CNTN5: variants seen among roughly 807,000 people sequenced by gnomAD.
CNTN5 encodes the protein contactin 5.
A neutral mutation model predicts 129.1 loss-of-function variants in CNTN5; 77 were observed. The ratio of observed to expected loss-of-function variants is 0.60; its 90% CI spans 0.50 to 0.72. The LOEUF (loss-of-function observed/expected upper bound fraction) is 0.72, where lower values mean the gene tolerates loss of function less well. Ranked by LOEUF, CNTN5 falls within the 30% of genes least tolerant of loss-of-function variation. The pLI, the probability that CNTN5 is intolerant of heterozygous loss-of-function variation, is 0.00. For missense variants in CNTN5, 1,478 were observed against 1,328.8 expected (o/e 1.11, Z -1.75); for synonymous variants, 509 against 465.6 (o/e 1.09, Z -1.20).
At chr11:99,190,550 A>G (rs988791560) in intron 1 of CNTN5, among the ~76,000 whole-genome samples, 2 of 150,948 alleles carry the variant, frequency 1.3e-5, no homozygotes, top group African/African-American at 4.9e-5. Context: ...ATTTCCATTT[A>G]TTTGTTTCTT....
At chr11:99,748,720 G>A (rs1944138960) in intron 3 of CNTN5, among the ~76,000 whole-genome samples, 1 of 152,154 alleles carries the variant, frequency 6.6e-6, no homozygotes, top group Non-Finnish European at 1.5e-5. Context: ...AAAGATGAAT[G>A]TCCTAGCTCC....
intron 6 of CNTN5, among the ~76,000 whole-genome samples, chr11:99,906,446 T>C (rs975177650): frequency 6.6e-6 from 1 of 152,214 alleles, no homozygotes; most frequent in Non-Finnish European, 1.5e-5. Context: ...ATTATGTTTA[T>C]TGATTTGCAT....
intron 2 of CNTN5, among the ~76,000 whole-genome samples, chr11:99,512,672 T>C (rs1291463119): frequency 1.3e-5 from 2 of 152,246 alleles, no homozygotes; most frequent in African/African-American, 4.8e-5. Flanking sequence ...ATTATGCCTG[T>C]TACGGTGATC....
rs201431995 is a variant in CNTN5 at position 99,121,138 on chromosome 11, T to TCTTTCTTTCTTTCTTTC, written c.-210+99868_-210+99869insCTTTCTTTCTTTCTTTC. ...TTTAACTGTTCTTTCTTTCTTTCTT[T>TCTTTCTTTCTTTCTTTC]TTTTTTTTTTTTTTGAGATCGAGTC... is the stretch of plus-strand genomic sequence containing the variant. On this transcript the variant is annotated intron_variant, in intron 1 of 24. Transcript: ENST00000524871. Among the ~76,000 whole-genome samples, 805 of 146,840 alleles carry TCTTTCTTTCTTTCTTTC rather than the reference T, an allele frequency of 5.5e-3. 4 individuals carry two copies. The highest frequency in any genetic ancestry group is 0.011 in the African/African-American group (434 of 40,206).
intron 3 of CNTN5, among the ~76,000 whole-genome samples, chr11:99,703,586 A>G (rs889851939): frequency 6.6e-5 from 10 of 150,886 alleles, no homozygotes; most frequent in African/African-American, 2.4e-4. Flanking sequence ...AAATTTGTAA[A>G]TCCGAAAGTT....
intron 15 of CNTN5, among the ~76,000 whole-genome samples, chr11:100,200,795 C>T (rs75469258): frequency 0.057 from 8,616 of 151,912 alleles, 405 homozygotes; most frequent in East Asian, 0.28. Flanking sequence ...TTAGAATTTG[C>T]TCTCCTAGGT....
At chr11:99,892,921 T>C (rs780926250) in intron 6 of CNTN5, among the ~76,000 whole-genome samples, 4 of 152,210 alleles carry the variant, frequency 2.6e-5, no homozygotes, top group Non-Finnish European at 5.9e-5. Flanking sequence ...GTTTGGGCAG[T>C]ATGGCCATTT....
At chr11:99,065,824 T>C (rs1198733698) in intron 1 of CNTN5, among the ~76,000 whole-genome samples, 1 of 152,106 alleles carries the variant, frequency 6.6e-6, no homozygotes. Flanking sequence ...AGTTGAACTA[T>C]AAATACAGTG....
intron 13 of CNTN5, among the ~76,000 whole-genome samples, chr11:100,166,138 T>C (rs1037955132): frequency 2.6e-5 from 4 of 151,796 alleles, no homozygotes; most frequent in African/African-American, 7.2e-5. Context: ...TACCAAATGG[T>C]ACGTGATGCA....
chr11:99,245,877 C>G (rs1408510587), intron 1 of CNTN5, among the ~76,000 whole-genome samples: 1 of 152,042 alleles, frequency 6.6e-6, no homozygotes, highest in Non-Finnish European at 1.5e-5. Flanking sequence ...CAGTAGCGTC[C>G]CTCAAGTTGT....
Position 100,336,484 on chromosome 11 carries a change from T to C in CNTN5, c.2731-3979T>C, listed in dbSNP as rs572774161. Among the ~76,000 whole-genome samples, 57 of 152,264 alleles carry C rather than the reference T, an allele frequency of 3.7e-4. 1 individual carries two copies. Among genetic ancestry groups the C allele is most frequent in the Admixed American group, 1.4e-3 (22 of 15,288 alleles). On this transcript the variant is annotated intron_variant, in intron 21 of 24. Coordinates refer to ENST00000524871, the MANE Select transcript of CNTN5 (RefSeq NM_014361.4). The stretch of plus-strand genomic sequence containing the variant: ...AAAAAGTATAATTATTTTAAATACA[T>C]AAAATAGGAAGTGATACACAAAGAA...
At chr11:99,923,841 G>T (rs557757832) in intron 7 of CNTN5, among the ~76,000 whole-genome samples, 5 of 151,644 alleles carry the variant, frequency 3.3e-5, no homozygotes, top group African/African-American at 1.2e-4. Context: ...AGGCTGGAGA[G>T]CAGTGGCATG....
chr11:99,853,096 C>A (rs184728732), intron 6 of CNTN5, among the ~76,000 whole-genome samples: 1 of 152,060 alleles, frequency 6.6e-6, no homozygotes, highest in Non-Finnish European at 1.5e-5. Flanking sequence ...CAGATAGAGA[C>A]TATTCTAAGA....
At chr11:99,439,114 T>C (rs1032929694) in intron 2 of CNTN5, among the ~76,000 whole-genome samples, 5 of 152,164 alleles carry the variant, frequency 3.3e-5, no homozygotes, top group African/African-American at 1.2e-4. Context: ...AGCATTTGTA[T>C]AAAAAATGCC....
intron 7 of CNTN5, among the ~76,000 whole-genome samples, chr11:99,938,300 CTTCGT>C (rs1950359998): frequency 6.6e-6 from 1 of 152,056 alleles, no homozygotes. Context: ...TTCATCAATC[CTTCGT>C]TTCAATAGAA....
intron 18 of CNTN5, among the ~76,000 whole-genome samples, chr11:100,273,863 C>G (rs966915581): frequency 6.6e-6 from 1 of 152,168 alleles, no homozygotes; most frequent in Non-Finnish European, 1.5e-5. Flanking sequence ...CACTGAACTA[C>G]TAAAACTATT....
intron 13 of CNTN5, among the ~76,000 whole-genome samples, chr11:100,133,948 A>G (rs570084957): frequency 5.5e-4 from 83 of 152,270 alleles, no homozygotes; most frequent in African/African-American, 1.9e-3. Context: ...GGATTTATAG[A>G]TGGAAGAACC....
intron 3 of CNTN5, among the ~76,000 whole-genome samples, chr11:99,686,685 C>T (rs964496016): frequency 2.0e-5 from 3 of 151,872 alleles, no homozygotes; most frequent in Non-Finnish European, 2.9e-5. Context: ...TGTATATTTT[C>T]GGGGACTTTA....
chr11:99,252,676 T>G, intron 1 of CNTN5, among the ~76,000 whole-genome samples: 1 of 152,068 alleles, frequency 6.6e-6, no homozygotes, highest in East Asian at 1.9e-4. Context: ...GCTTAAAGTT[T>G]AATTCGCTAG....
Sources: allele counts gnomAD v4.1 joint callset (sites outside exome capture counted in the v4.1 genomes callset), GRCh38; gene constraint gnomAD v4.1.1; transcripts MANE v1.5; gene names NCBI Gene and HGNC (gene_info 2026-07-23, HGNC 2026-07-21).